ACLY: variants seen among roughly 807,000 people sequenced by gnomAD.
The protein encoded by ACLY is ATP citrate lyase, also known as ATP-citrate synthase.
ACLY carries 41 observed loss-of-function variants against 133.0 expected under a neutral mutation model. That is an observed-to-expected ratio of 0.31 (90% CI 0.24 to 0.40). The LOEUF (loss-of-function observed/expected upper bound fraction) is 0.40, where lower values mean the gene tolerates loss of function less well. Ranked by LOEUF, ACLY falls within the 10% of genes least tolerant of loss-of-function variation. The pLI, the probability that ACLY is intolerant of heterozygous loss-of-function variation, is 1.00. For synonymous variants in ACLY, 495 were observed against 549.3 expected (o/e 0.90, Z 1.38); for missense variants, 1,046 against 1,453.8 (o/e 0.72, Z 4.56).
At chr17:41,890,441 T>C (rs1488680772) in intron 16 of ACLY, among the ~76,000 whole-genome samples, 5 of 151,632 alleles carry the variant, frequency 3.3e-5, no homozygotes, top group African/African-American at 4.8e-5. Flanking sequence ...TCCCAGCACT[T>C]TGGGAGGCCG....
In ACLY at chr17:41,906,594, G is replaced by C. The variant is rs782482319; in HGVS notation, c.800C>G (p.Thr267Ser). 1 of 1,614,216 alleles carries C rather than the reference G, an allele frequency of 6.2e-7. No homozygotes were observed. Among genetic ancestry groups the C allele is most frequent in the Non-Finnish European group, 8.5e-7 (1 of 1,180,036 alleles). The change falls in exon 8 of 29, where the codon ACC becomes AGC. Residue 267 changes from threonine to serine, a missense_variant. By Grantham distance (58) the Thr-to-Ser change is moderately conservative. Around this residue, in one of 4 missense-constraint regions of ACLY, gnomAD observed 575 missense variants for 804.2 expected, o/e 0.71. Transcript: ENST00000352035. Reference protein sequence around the residue: ...DAKSGASLKLTLLNPKGRIWT... With the variant: ...DAKSGASLKLSLLNPKGRIWT... Reference sequence around the variant, plus strand: ...GATCCTCCCTTTGGGGTTCAGCAAGGTCAGCTTCAGGCTTGCCCCACTTTT... The same window carrying C: ...GATCCTCCCTTTGGGGTTCAGCAAGCTCAGCTTCAGGCTTGCCCCACTTTT...
Position 41,871,829 on chromosome 17 carries a change from C to A in ACLY, c.2797G>T (p.Asp933Tyr). 1 of 1,613,754 alleles carries A rather than the reference C, an allele frequency of 6.2e-7. No individual in the cohort carries two copies. The highest frequency in any genetic ancestry group is 8.5e-7 in the Non-Finnish European group (1 of 1,179,988). The change falls in exon 25 of 29, where the codon GAT becomes TAT. Residue 933 changes from aspartate to tyrosine, a missense_variant. By Grantham distance (160) the Asp-to-Tyr change is radical (BLOSUM62 -3). Coordinates refer to ENST00000352035, the MANE Select transcript of ACLY (RefSeq NM_001096.3). ...SLTSGLLTIG[D>Y]RFGGALDAAA... is the part of the protein sequence containing the mutation. ...GCATCCAAGGCACCCCCAAACCGAT[C>A]CCCCTGGAGGAGAAACAAGTGCGTG...
intron 10 of ACLY, among the ~76,000 whole-genome samples, chr17:41,903,037 C>T (rs2144362476): frequency 6.6e-6 from 1 of 152,286 alleles, no homozygotes. Flanking sequence ...GATCTGCCTG[C>T]CTCAGCCTCT....
At chr17:41,905,886 C>A (rs991636381) in intron 8 of ACLY, among the ~76,000 whole-genome samples, 70 of 152,212 alleles carry the variant, frequency 4.6e-4, no homozygotes, top group African/African-American at 1.7e-3. Flanking sequence ...CACTGGGGAG[C>A]CCTGGACAGA....
intron 1 of ACLY, among the ~76,000 whole-genome samples, chr17:41,914,945 A>G (rs2050012476): frequency 6.6e-6 from 1 of 152,136 alleles, no homozygotes; most frequent in Non-Finnish European, 1.5e-5. Context: ...TTATAACCCC[A>G]TTTCTTAGAT....
chr17:41,881,722 G>A (rs530638658), intron 20 of ACLY, among the ~76,000 whole-genome samples: 1 of 152,076 alleles, frequency 6.6e-6, no homozygotes, highest in African/African-American at 2.4e-5. Context: ...TCAGCCTCCC[G>A]AGTAGCTGGC....
chr17:41,929,094 CTT>C (rs111865267), intron 1 of ACLY, among the ~76,000 whole-genome samples: 57 of 133,472 alleles, frequency 4.3e-4, no homozygotes, highest in Non-Finnish European at 3.2e-4. Context: ...ATGTTATTTC[CTT>C]TTTTTTTTTT....
intron 21 of ACLY, among the ~76,000 whole-genome samples, chr17:41,878,483 C>T (rs1319066646): frequency 6.6e-6 from 1 of 152,070 alleles, no homozygotes; most frequent in Non-Finnish European, 1.5e-5. Flanking sequence ...TATCTAATAA[C>T]TCTCTATCAA....
At chr17:41,916,741 C>CAGAA (rs2050062403) in intron 1 of ACLY, among the ~76,000 whole-genome samples, 1 of 152,008 alleles carries the variant, frequency 6.6e-6, no homozygotes, top group Non-Finnish European at 1.5e-5. Flanking sequence ...TCAGACTCTT[C>CAGAA]TGAGACTGAA....
chr17:41,915,819 G>GA (rs2050037143), intron 1 of ACLY, among the ~76,000 whole-genome samples: 2 of 152,028 alleles, frequency 1.3e-5, no homozygotes, highest in Non-Finnish European at 2.9e-5. Context: ...CTTCCAAAGA[G>GA]AGTGCAGCCC....
chr17:41,901,836 G>A, intron 10 of ACLY, 23 bp from the exon 11 acceptor site: 2 of 1,523,986 alleles, frequency 1.3e-6, no homozygotes. Context: ...AGTGACATGT[G>A]ACTAAAAACA....
chr17:41,922,743 T>C (rs1329624588), upstream of ACLY, among the ~76,000 whole-genome samples: 4 of 152,240 alleles, frequency 2.6e-5, no homozygotes, highest in African/African-American at 9.6e-5. Flanking sequence ...GTTTGCTGAA[T>C]GATTGTCCTC....
intron 18 of ACLY, among the ~76,000 whole-genome samples, chr17:41,885,133 G>GC (rs1179836172): frequency 6.6e-6 from 1 of 151,682 alleles, no homozygotes; most frequent in African/African-American, 2.4e-5. Flanking sequence ...TCCTCCCTCA[G>GC]CCCCCCAAAG....
chr17:41,872,600 C>T (rs906482391), intron 23 of ACLY, among the ~76,000 whole-genome samples: 19 of 152,078 alleles, frequency 1.2e-4, no homozygotes, highest in African/African-American at 3.9e-4. Context: ...GCTGGGATTA[C>T]ATACAGGCAT....
intron 1 of ACLY, 89 bp downstream of exon 1, chr17:41,918,791 G>T: frequency 8.0e-7 from 1 of 1,256,510 alleles, no homozygotes; most frequent in Non-Finnish European, 1.0e-6. Context: ...AGCCCGCGTC[G>T]GGGAAGGCGG....
intron 17 of ACLY, 57 bp from the exon 18 acceptor site, chr17:41,886,365 G>C: frequency 6.6e-7 from 1 of 1,512,640 alleles, no homozygotes; most frequent in Non-Finnish European, 9.0e-7. Flanking sequence ...TCACCACAAA[G>C]AATCACAAAG....
chr17:41,894,479 T>A (rs948360403), intron 14 of ACLY, among the ~76,000 whole-genome samples: 13 of 149,232 alleles, frequency 8.7e-5, no homozygotes, highest in Admixed American at 6.7e-4. Context: ...CCTAGCTACT[T>A]AGGAGACTGA....
intron 20 of ACLY, among the ~76,000 whole-genome samples, chr17:41,882,509 G>C (rs1238462852): frequency 1.3e-5 from 2 of 151,442 alleles, no homozygotes; most frequent in Non-Finnish European, 2.9e-5. Context: ...CTTCAAGGTG[G>C]TAAAGGGTTC....
intron 1 of ACLY, among the ~76,000 whole-genome samples, chr17:41,929,127 C>T (rs1555636314): frequency 1.4e-5 from 2 of 142,130 alleles, no homozygotes; most frequent in Non-Finnish European, 3.0e-5. Context: ...CAGGGTCTTG[C>T]TTTGTTACAC....
Sources: gnomAD v4.1 joint callset for allele counts (sites outside exome capture counted in the v4.1 genomes callset) on GRCh38, gnomAD v4.1.1 for gene constraint, gnomAD v4.1.1 regional missense constraint, MANE v1.5 for transcripts, NCBI Gene and HGNC (gene_info 2026-07-23, HGNC 2026-07-21) for gene names.